ANK2: variants seen among roughly 807,000 people sequenced by gnomAD.
ANK2 encodes the protein ankyrin 2.
In ANK2, 83 loss-of-function variants were observed where a neutral mutation model predicts 360.5. The observed-to-expected ratio is 0.23, with a 90% CI of 0.19 to 0.28. The LOEUF is 0.28. Ranked by LOEUF, ANK2 falls within the 10% of genes least tolerant of loss-of-function variation. The pLI, the probability that ANK2 is intolerant of heterozygous loss-of-function variation, is 1.00. For synonymous variants in ANK2, 1,740 were observed against 1,759.5 expected (o/e 0.99, Z 0.28); for missense variants, 4,201 against 4,795.7 (o/e 0.88, Z 3.66).
At chr4:113,125,112 C>T (rs2095585726) in intron 1 of ANK2, among the ~76,000 whole-genome samples, 1 of 152,078 alleles carries the variant, frequency 6.6e-6, no homozygotes, top group African/African-American at 2.4e-5. Flanking sequence ...TTATTAATTA[C>T]CAATTTTAAC....
chr4:112,844,903 T>A (rs2062948043), intron 1 of ANK2, among the ~76,000 whole-genome samples: 1 of 152,218 alleles, frequency 6.6e-6, no homozygotes, highest in Admixed American at 6.5e-5. Context: ...TCTCATGGGA[T>A]ATCAGAAGGA....
chr4:113,314,242 C>T (rs1303837423), intron 24 of ANK2, among the ~76,000 whole-genome samples: 1 of 152,050 alleles, frequency 6.6e-6, no homozygotes, highest in East Asian at 1.9e-4. Context: ...TAATAATGAA[C>T]CACAGAAGCT....
chr4:113,129,601 T>G (rs1010556249), intron 1 of ANK2, among the ~76,000 whole-genome samples: 2 of 152,196 alleles, frequency 1.3e-5, no homozygotes, highest in African/African-American at 4.8e-5. Flanking sequence ...AAATAGCACA[T>G]GCAAGGAGCT....
At position 113,381,711 on chromosome 4, in the gene ANK2, G is replaced by T; in HGVS notation, c.*240G>T. 6.7e-7 allele frequency: 1 copy of T among 1,485,236 alleles called. No individual in the cohort carries two copies. The highest frequency in any genetic ancestry group is 9.1e-7 in the Non-Finnish European group (1 of 1,104,194). 92.0% of individuals were successfully genotyped at this position (1,485,236 alleles called of 1,614,324 possible). On this transcript the variant is annotated 3_prime_UTR_variant, in exon 46 of 46. Coordinates refer to ENST00000357077, the MANE Select transcript of ANK2 (RefSeq NM_001148.6). The stretch of plus-strand genomic sequence containing the variant: ...TGCAGCTTCCTGTTTCAGTAGGGGA[G>T]TGACCTAACTGGCCTAATTAATGGG...
intron 2 of ANK2, among the ~76,000 whole-genome samples, chr4:113,175,005 A>G (rs1294843273): frequency 6.6e-6 from 1 of 152,220 alleles, no homozygotes; most frequent in African/African-American, 2.4e-5. Flanking sequence ...TCCATTCATC[A>G]TGTCCATTTC....
chr4:112,755,782 C>T, the ANK2 span: 7 of 170,860 alleles, frequency 4.1e-5, no homozygotes, highest in East Asian at 1.0e-3. Flanking sequence ...TGTATCATGC[C>T]AATAATAATA....
upstream of ANK2, among the ~76,000 whole-genome samples, chr4:113,048,315 G>A (rs1249740685): frequency 1.1e-4 from 11 of 99,726 alleles, no homozygotes; most frequent in South Asian, 3.6e-4. Flanking sequence ...TTTTCAAGGC[G>A]GAGTCTTGCT....
chr4:113,157,161 A>G (rs2097333952), intron 1 of ANK2, among the ~76,000 whole-genome samples: 1 of 152,084 alleles, frequency 6.6e-6, no homozygotes, highest in Non-Finnish European at 1.5e-5. Context: ...TCTACTACTT[A>G]GTTTTTACTG....
intron 1 of ANK2, chr4:112,880,918 G>C (rs2076535026): frequency 6.6e-6 from 1 of 152,120 alleles, no homozygotes; most frequent in Non-Finnish European, 1.5e-5. Context: ...TCAATTGCTT[G>C]TTTCTTGTTA....
At chr4:113,281,451 G>T (rs956766529) in intron 17 of ANK2, among the ~76,000 whole-genome samples, 5 of 151,898 alleles carry the variant, frequency 3.3e-5, no homozygotes, top group African/African-American at 1.2e-4. Context: ...GAGGTGGGAG[G>T]ATCACTTGAG....
In ANK2 at chr4:113,255,787, T is replaced by A. The variant is rs758931317; in HGVS notation, c.1043T>A (p.Val348Glu). Residue 348 changes from valine (V) to glutamate (E), a missense_variant, in exon 11 of 46, where the codon GTG (valine) becomes GAG (glutamate). By Grantham distance (121) the Val-to-Glu change is moderately radical (BLOSUM62 -2). Transcript: ENST00000357077. ...GCCCAGGGAGACCACGTGGAATGTGTGAAGCACCTGTTACAGCACAAGGCA... is the reference window on the plus strand; with the variant it reads ...GCCCAGGGAGACCACGTGGAATGTGAGAAGCACCTGTTACAGCACAAGGCA... ...MAAQGDHVEC[V>E]KHLLQHKAPV... 1.2e-6 allele frequency: 2 copies of A among 1,614,154 alleles called. No homozygotes were observed. The highest frequency in any genetic ancestry group is 1.7e-6 in the Non-Finnish European group (2 of 1,180,018).
chr4:112,761,181 T>TA, the ANK2 span, among the ~76,000 whole-genome samples: 1 of 152,212 alleles, frequency 6.6e-6, no homozygotes, highest in East Asian at 1.9e-4. Context: ...ATGTTGTTTT[T>TA]ATAATGTCCT....
In ANK2 at chr4:113,234,393, T is replaced by G. The variant is rs562279595; in HGVS notation, c.483+2134T>G. Among the ~76,000 whole-genome samples the G allele has an allele frequency of 1.9e-3, 286 of 152,344 alleles. 1 individual carries two copies. The highest frequency in any genetic ancestry group is 6.6e-3 in the African/African-American group (274 of 41,576). On this transcript the variant is annotated intron_variant, in intron 5 of 45. Coordinates refer to ENST00000357077, the MANE Select transcript of ANK2 (RefSeq NM_001148.6). ...TTATATACCTATTATTTGTTTCATTTTAGACAATCATTTAAATAATTAAAA... is the reference window on the plus strand; with the variant it reads ...TTATATACCTATTATTTGTTTCATTGTAGACAATCATTTAAATAATTAAAA...
intron 1 of ANK2, among the ~76,000 whole-genome samples, chr4:113,099,608 G>C (rs1043183082): frequency 6.6e-6 from 1 of 151,918 alleles, no homozygotes; most frequent in East Asian, 1.9e-4. Flanking sequence ...TCAGCAAGTT[G>C]TCTTGTGGAT....
At chr4:112,711,764 G>A in the ANK2 span, among the ~76,000 whole-genome samples, 20 of 151,594 alleles carry the variant, frequency 1.3e-4, no homozygotes, top group African/African-American at 4.6e-4. Flanking sequence ...AGGTTGCAGT[G>A]AGCCGAGATC....
At chr4:113,192,013 A>G (rs940423062) in intron 2 of ANK2, among the ~76,000 whole-genome samples, 4 of 152,218 alleles carry the variant, frequency 2.6e-5, no homozygotes, top group African/African-American at 9.6e-5. Context: ...ATCTAAAATG[A>G]AAATTAAGTT....
At chr4:113,226,571 G>C (rs1380435401) in intron 4 of ANK2, among the ~76,000 whole-genome samples, 6 of 152,050 alleles carry the variant, frequency 3.9e-5, no homozygotes, top group Non-Finnish European at 8.8e-5. Context: ...TAATTATATA[G>C]GTGTTCACTA....
intron 2 of ANK2, among the ~76,000 whole-genome samples, chr4:112,923,090 G>A (rs867198639): frequency 6.6e-6 from 1 of 151,986 alleles, no homozygotes; most frequent in Non-Finnish European, 1.5e-5. Flanking sequence ...TCAGCATACC[G>A]TAGTGGACAC....
intron 1 of ANK2, among the ~76,000 whole-genome samples, chr4:113,073,843 T>G (rs1163096125): frequency 6.6e-6 from 1 of 152,188 alleles, no homozygotes; most frequent in Non-Finnish European, 1.5e-5. Flanking sequence ...GTGATTAATT[T>G]TGTTTGACAG....
Sources: gnomAD v4.1 joint callset for allele counts (sites outside exome capture counted in the v4.1 genomes callset) on GRCh38, gnomAD v4.1.1 for gene constraint, MANE v1.5 for transcripts, NCBI Gene and HGNC (gene_info 2026-07-23, HGNC 2026-07-21) for gene names.